KCNK9: variants seen among roughly 807,000 people sequenced by gnomAD.
KCNK9 encodes the protein potassium channel subfamily K member 9.
In KCNK9, 1 loss-of-function variant was observed where a neutral mutation model predicts 10.8. The ratio of observed to expected loss-of-function variants is 0.09; its 90% CI spans 0.03 to 0.44. KCNK9 has a LOEUF of 0.44. Ranked by LOEUF, KCNK9 falls within the 20% of genes least tolerant of loss-of-function variation. The probability of loss-of-function intolerance (pLI) is 0.97; values close to 1 mark genes in which losing one functional copy is unlikely to be tolerated. For synonymous variants in KCNK9, 231 were observed against 222.7 expected (o/e 1.04, Z -0.33); for missense variants, 303 against 515.0 (o/e 0.59, Z 3.98).
chr8:139,652,430 G>C (rs554841239), intron 1 of KCNK9, among the ~76,000 whole-genome samples: 203 of 152,316 alleles, frequency 1.3e-3, no homozygotes, highest in African/African-American at 4.8e-3. Flanking sequence ...GGTGTCTAAG[G>C]AGCAACACCT....
At chr8:139,633,531 C>T (rs778168758) in intron 1 of KCNK9, among the ~76,000 whole-genome samples, 2 of 152,108 alleles carry the variant, frequency 1.3e-5, no homozygotes, top group Admixed American at 6.5e-5. Flanking sequence ...GACCTCCTTC[C>T]GAAAATGCTG....
At chr8:139,672,920 C>A (rs1402192455) in intron 1 of KCNK9, among the ~76,000 whole-genome samples, 3 of 152,200 alleles carry the variant, frequency 2.0e-5, no homozygotes, top group Admixed American at 6.5e-5. Context: ...GAAGGCACTG[C>A]GCCAGGCGGG....
In KCNK9 at chr8:139,703,029, C is replaced by T. The variant is rs1346205403; in HGVS notation, c.-37G>A. 4 of 1,537,830 alleles carry T rather than the reference C, an allele frequency of 2.6e-6. No homozygotes were observed. The highest frequency in any genetic ancestry group is 2.5e-5 in the East Asian group (1 of 40,724). ...AGGAGCCGGCGCGGGGGGCATGTCC[C>T]GCAGGCTCACAGCCGCGCGCGTCCC... is the stretch of plus-strand genomic sequence containing the variant. On this transcript the variant is annotated 5_prime_UTR_variant, in exon 1 of 2. Transcript: ENST00000520439. The surrounding 1 kb of genome is among the most constrained non-coding windows in gnomAD (Gnocchi z 6.4).
chr8:139,690,460 C>A (rs1453477800), intron 1 of KCNK9, among the ~76,000 whole-genome samples: 1 of 152,152 alleles, frequency 6.6e-6, no homozygotes, highest in Non-Finnish European at 1.5e-5. Flanking sequence ...TAAGACAAAC[C>A]AATGAGGGTC....
At chr8:139,665,793 T>G (rs1490787761) in intron 1 of KCNK9, among the ~76,000 whole-genome samples, 4 of 152,272 alleles carry the variant, frequency 2.6e-5, no homozygotes, top group Non-Finnish European at 5.9e-5. Flanking sequence ...TGCCCTGGGG[T>G]CTTGTCAGAA....
chr8:139,672,879 C>T (rs1313404654), intron 1 of KCNK9, among the ~76,000 whole-genome samples: 1 of 152,236 alleles, frequency 6.6e-6, no homozygotes, highest in Non-Finnish European at 1.5e-5. Context: ...GGGTTCCACC[C>T]TGCCCGGATC....
Position 139,653,520 on chromosome 8 carries a change from G to A in KCNK9, c.284-34421C>T, listed in dbSNP as rs757889944. 7.8e-4 allele frequency among the ~76,000 whole-genome samples: 90 copies of A among 114,868 alleles called. 1 individual carries two copies. Among genetic ancestry groups the A allele is most frequent in the Non-Finnish European group, 1.4e-3 (76 of 55,750 alleles). The allele number at this position is 114,868 out of a possible 152,430, so 75.4% of individuals were successfully genotyped here. A position where few individuals can be genotyped will look rare whatever the true frequency, so the allele number is the denominator to read the frequency against. On this transcript the variant is annotated intron_variant, in intron 1 of 1. Transcript: ENST00000520439. ...AGAGACCTCCCCCACCACCCCCGCC[G>A]CCTTTCCTCTTGTTCTCTCCAACAG...
chr8:139,650,438 G>A (rs955006994), intron 1 of KCNK9, among the ~76,000 whole-genome samples: 1 of 152,128 alleles, frequency 6.6e-6, no homozygotes, highest in Non-Finnish European at 1.5e-5. Flanking sequence ...CCGAGGGTGG[G>A]CGCCCACTCA....
chr8:139,630,390 T>TGCCGCC (rs920697777), intron 1 of KCNK9, among the ~76,000 whole-genome samples: 6 of 152,196 alleles, frequency 3.9e-5, no homozygotes, highest in African/African-American at 7.2e-5. Flanking sequence ...TCCTGGGCTC[T>TGCCGCC]GCCGCCGCCG....
At chr8:139,662,232 G>A (rs1362322551) in intron 1 of KCNK9, among the ~76,000 whole-genome samples, 1 of 152,158 alleles carries the variant, frequency 6.6e-6, no homozygotes, top group Non-Finnish European at 1.5e-5. Context: ...GCAGGAGCAG[G>A]CTATGGGGTG....
intron 1 of KCNK9, among the ~76,000 whole-genome samples, chr8:139,623,165 C>T (rs755312715): frequency 6.6e-6 from 1 of 152,146 alleles, no homozygotes; most frequent in South Asian, 2.1e-4. Flanking sequence ...ATGCTGGACA[C>T]GTGACACAAG....
chr8:139,662,369 C>A (rs1306078951), intron 1 of KCNK9, among the ~76,000 whole-genome samples: 1 of 152,146 alleles, frequency 6.6e-6, no homozygotes. Context: ...AGGGGACACG[C>A]AGGTGGCCAG....
At chr8:139,674,173 G>C (rs1308982090) in intron 1 of KCNK9, among the ~76,000 whole-genome samples, 3 of 152,210 alleles carry the variant, frequency 2.0e-5, no homozygotes, top group African/African-American at 7.2e-5. Flanking sequence ...GGGGCCTTTG[G>C]GGGTGATCAG....
At chr8:139,664,718 A>G (rs1586675280) in intron 1 of KCNK9, among the ~76,000 whole-genome samples, 2 of 152,288 alleles carry the variant, frequency 1.3e-5, no homozygotes, top group East Asian at 1.9e-4. Context: ...GCGTGTGACC[A>G]CATCCCAGCC....
rs552805573 is a variant in KCNK9 at position 139,652,653 on chromosome 8, G to A, written c.284-33554C>T. Among the ~76,000 whole-genome samples the A allele has an allele frequency of 5.2e-4, 79 of 152,342 alleles. 1 individual carries two copies. In the South Asian group the frequency reaches 6.4e-3, roughly 12 times the overall value. On this transcript the variant is annotated intron_variant, in intron 1 of 1. Coordinates refer to ENST00000520439, the MANE Select transcript of KCNK9 (RefSeq NM_001282534.2). ...TCAATGGTTATTTGTTCTGCCTTCC[G>A]AATGGGGGAAATACGGACCTTAAAG... is the stretch of plus-strand genomic sequence containing the variant.
intron 1 of KCNK9, among the ~76,000 whole-genome samples, chr8:139,655,825 G>C (rs1816006650): frequency 6.6e-6 from 1 of 152,148 alleles, no homozygotes; most frequent in Non-Finnish European, 1.5e-5. Context: ...AGGTTTCCTG[G>C]GGGAGAAGAC....
intron 1 of KCNK9, among the ~76,000 whole-genome samples, chr8:139,687,384 G>GT (rs1816817711): frequency 1.1e-5 from 1 of 89,976 alleles, no homozygotes; most frequent in African/African-American, 3.9e-5. Flanking sequence ...ACATATATAT[G>GT]AATATATATG....
chr8:139,629,540 C>T (rs764672276), intron 1 of KCNK9, among the ~76,000 whole-genome samples: 3 of 152,184 alleles, frequency 2.0e-5, no homozygotes, highest in African/African-American at 4.8e-5. Flanking sequence ...GCAGTCCTGA[C>T]GGGCATTACA....
intron 1 of KCNK9, among the ~76,000 whole-genome samples, chr8:139,621,783 G>A (rs1665172723): frequency 1.3e-5 from 2 of 152,130 alleles, no homozygotes; most frequent in African/African-American, 4.8e-5. Context: ...GCAGGGGTGG[G>A]AATCCTACTA....
Sources: allele counts gnomAD v4.1 joint callset (sites outside exome capture counted in the v4.1 genomes callset), GRCh38; gene constraint gnomAD v4.1.1; non-coding constraint Gnocchi (gnomAD v3.1); transcripts MANE v1.5; gene names NCBI Gene and HGNC (gene_info 2026-07-23, HGNC 2026-07-21).